PIGN: variants seen among roughly 807,000 people sequenced by gnomAD.
PIGN encodes the protein GPI ethanolamine phosphate transferase 1.
In PIGN, 117 loss-of-function variants were observed where a neutral mutation model predicts 125.4. That is an observed-to-expected ratio of 0.93 (90% CI 0.80 to 1.09). PIGN has a LOEUF of 1.09. PIGN is among the 50% of genes least tolerant of loss of function. The pLI, the probability that PIGN is intolerant of heterozygous loss-of-function variation, is 0.00. For missense variants in PIGN, 1,075 were observed against 1,094.9 expected (o/e 0.98, Z 0.26); for synonymous variants, 392 against 377.8 (o/e 1.04, Z -0.44).
At chr18:62,046,185 G>A (rs1246112771) in intron 30 of PIGN, among the ~76,000 whole-genome samples, 1 of 152,162 alleles carries the variant, frequency 6.6e-6, no homozygotes, top group African/African-American at 2.4e-5. Context: ...TCCATGGACT[G>A]GTTCCAGGAC....
chr18:62,105,906 G>A (rs556040058), intron 19 of PIGN, among the ~76,000 whole-genome samples: 1 of 152,244 alleles, frequency 6.6e-6, no homozygotes, highest in South Asian at 2.1e-4. Flanking sequence ...AACCTCAAGA[G>A]GCAGGTATTA....
chr18:62,022,963 A>T (rs1274196657), intron 23 of PIGN, among the ~76,000 whole-genome samples: 3 of 152,226 alleles, frequency 2.0e-5, no homozygotes, highest in Non-Finnish European at 4.4e-5. Context: ...ATAATGACTT[A>T]TACAATGTAA....
intron 28 of PIGN, among the ~76,000 whole-genome samples, chr18:62,078,892 G>A (rs982583653): frequency 5.3e-5 from 8 of 152,258 alleles, no homozygotes; most frequent in African/African-American, 1.9e-4. Flanking sequence ...TGATCTCCCT[G>A]CTCTTATTCT....
Position 62,095,936 on chromosome 18 carries a change from C to A in PIGN, c.2092G>T (p.Val698Leu). ...AGAACTGGAGAACTCAGTAGTGGCA[C>A]AACCAAGGAAGAGGCTGCAATGAAA... is the stretch of plus-strand genomic sequence containing the variant. ...SWATLASSLV[V>L]PLLSSPVLFQ... is the part of the protein sequence containing the mutation. Residue 698 changes from valine to leucine, a missense_variant, in exon 23 of 31, where the codon GTG becomes TTG. This residue lies in a region of PIGN where 915 missense variants were observed against 908.7 expected (regional missense o/e 1.01). Transcript: ENST00000640252. 1.2e-6 allele frequency: 2 copies of A among 1,609,756 alleles called. No individual in the cohort carries two copies. Among genetic ancestry groups the A allele is most frequent in the Non-Finnish European group, 1.7e-6 (2 of 1,176,442 alleles).
At chr18:62,179,799 A>AAAGC in intron 1 of PIGN, among the ~76,000 whole-genome samples, 1 of 152,156 alleles carries the variant, frequency 6.6e-6, no homozygotes, top group African/African-American at 2.4e-5. Context: ...CTACAAGATT[A>AAAGC]CATTAATATT....
In PIGN at chr18:62,135,906, C is replaced by G. The variant is rs182626827; in HGVS notation, c.1172+2337G>C. 6 of 152,002 alleles carry G rather than the reference C, an allele frequency of 3.9e-5. 1 individual carries two copies. The highest frequency in any genetic ancestry group is 3.3e-4 in the Admixed American group (5 of 15,254). The allele number at this position is 152,002 out of a possible 1,614,324, so 9.4% of individuals were successfully genotyped here. A position where few individuals can be genotyped will look rare whatever the true frequency, so the allele number is the denominator to read the frequency against. On this transcript the variant is annotated intron_variant, in intron 14 of 30. Transcript: ENST00000640252. ...CTCACTTATTCTCACTCTCAACAGC[C>G]GGTGTATTTTCTTCATAAAAGGAAT...
At chr18:62,020,456 G>C (rs1420677219) in intron 23 of PIGN, among the ~76,000 whole-genome samples, 1 of 151,006 alleles carries the variant, frequency 6.6e-6, no homozygotes, top group Admixed American at 6.6e-5. Context: ...TCAACAGAAA[G>C]ACCTTGAAAT....
At chr18:62,178,937 C>T (rs529785548) in intron 1 of PIGN, among the ~76,000 whole-genome samples, 1 of 152,124 alleles carries the variant, frequency 6.6e-6, no homozygotes, top group South Asian at 2.1e-4. Context: ...ACCAGGATAC[C>T]ACAGGGCAGC....
intron 14 of PIGN, among the ~76,000 whole-genome samples, chr18:62,120,322 A>C (rs1383793725): frequency 1.3e-5 from 2 of 152,230 alleles, no homozygotes; most frequent in East Asian, 1.9e-4. Flanking sequence ...AATAACTGAC[A>C]ATCTAGAATT....
intron 10 of PIGN, among the ~76,000 whole-genome samples, chr18:62,143,950 T>C (rs2036227927): frequency 6.6e-6 from 1 of 152,212 alleles, no homozygotes; most frequent in Non-Finnish European, 1.5e-5. Context: ...TGAGAGACCG[T>C]CTTGATTTAA....
At chr18:62,091,097 C>T (rs758041048) in intron 23 of PIGN, among the ~76,000 whole-genome samples, 3 of 152,124 alleles carry the variant, frequency 2.0e-5, no homozygotes, top group Non-Finnish European at 4.4e-5. Context: ...TGCCTGTAAT[C>T]CCAGCACTTT....
chr18:62,123,023 T>G (rs2035366990), intron 14 of PIGN, among the ~76,000 whole-genome samples: 1 of 152,104 alleles, frequency 6.6e-6, no homozygotes, highest in South Asian at 2.1e-4. Flanking sequence ...CTCAGGCACT[T>G]AGTACTTTGG....
chr18:62,026,362 ACT>A (rs2030118507), intron 23 of PIGN, among the ~76,000 whole-genome samples: 1 of 152,180 alleles, frequency 6.6e-6, no homozygotes, highest in Non-Finnish European at 1.5e-5. Flanking sequence ...TTTGAACAAG[ACT>A]CAGCATTATA....
intron 1 of PIGN, among the ~76,000 whole-genome samples, chr18:62,182,427 C>A (rs1021925670): frequency 3.3e-5 from 5 of 152,188 alleles, no homozygotes; most frequent in Non-Finnish European, 7.4e-5. Context: ...GGTGGCACCA[C>A]CTTCCCACCA....
rs779074605 is a variant in PIGN, at chr18:62,074,836, A to G, written c.2577-15T>C. Reference sequence around the variant, plus strand: ...TGAGAAAAAGGCTGGAAAAAAAAAGAAGGAAAAATTACATCTAATACAACA... The same window carrying G: ...TGAGAAAAAGGCTGGAAAAAAAAAGGAGGAAAAATTACATCTAATACAACA... On this transcript the variant is annotated splice_polypyrimidine_tract_variant and intron_variant, in intron 28 of 30. Transcript: ENST00000640252. 31 of 1,588,672 alleles carry G rather than the reference A, an allele frequency of 2.0e-5. No homozygotes were observed. Among genetic ancestry groups the G allele is most frequent in the Non-Finnish European group, 2.7e-5 (31 of 1,160,600 alleles).
In PIGN at chr18:62,102,814, G is replaced by C. The variant is rs1224775480; in HGVS notation, c.1948C>G (p.Leu650Val). The change falls in exon 21 of 31, where the codon CTA becomes GTA. Residue 650 changes from leucine (L) to valine (V), a missense_variant. Around this residue, in one of 3 missense-constraint regions of PIGN, gnomAD observed 915 missense variants for 908.7 expected, o/e 1.01. Coordinates refer to ENST00000640252, the MANE Select transcript of PIGN (RefSeq NM_176787.5). The stretch of plus-strand genomic sequence containing the variant: ...CTGACCTGTAACAGATGTACCAATA[G>C]CTCTTCCTTTATAAAGCTATCTTTT... ...KRKDSFIKEE[L>V]LVHLLQVLST... 1 of 1,541,074 alleles carries C rather than the reference G, an allele frequency of 6.5e-7. No individual in the cohort carries two copies. Among genetic ancestry groups the C allele is most frequent in the Non-Finnish European group, 8.8e-7 (1 of 1,131,146 alleles).
intron 22 of PIGN, among the ~76,000 whole-genome samples, chr18:62,096,467 A>G (rs1239795433): frequency 1.4e-5 from 2 of 146,480 alleles, no homozygotes; most frequent in Non-Finnish European, 3.0e-5. Context: ...CTCAATTTAT[A>G]TTCAGCCCAG....
At chr18:62,125,128 A>G (rs1455292333) in intron 14 of PIGN, among the ~76,000 whole-genome samples, 1 of 125,608 alleles carries the variant, frequency 8.0e-6, no homozygotes, top group African/African-American at 3.0e-5. Context: ...GTATATAAAT[A>G]TACACGTTTG....
At position 62,161,301 on chromosome 18, in the gene PIGN, G is replaced by C; in HGVS notation, c.53C>G (p.Ser18Cys). Residue 18 changes from serine to cysteine, a missense_variant, in exon 4 of 31, where the codon TCC (serine) becomes TGC (cysteine). Ser to Cys is a moderately radical substitution (Grantham distance 112, BLOSUM62 -1). Around this residue, in one of 3 missense-constraint regions of PIGN, gnomAD observed 152 missense variants for 162.9 expected, o/e 0.93. Coordinates refer to ENST00000640252, the MANE Select transcript of PIGN (RefSeq NM_176787.5). ...AGATGTAAAATAAATGTCAAAGATG[G>C]AGGCGAAGAACACAAAATGTATAAG... ...GLLIHFVFFA[S>C]IFDIYFTSPL... The C allele has an allele frequency of 6.2e-7, 1 of 1,613,708 alleles. No individual in the cohort carries two copies. The highest frequency in any genetic ancestry group is 8.5e-7 in the Non-Finnish European group (1 of 1,179,782).
Sources: gnomAD v4.1 joint callset for allele counts (sites outside exome capture counted in the v4.1 genomes callset) on GRCh38, gnomAD v4.1.1 for gene constraint, gnomAD v4.1.1 regional missense constraint, MANE v1.5 for transcripts, NCBI Gene and HGNC (gene_info 2026-07-23, HGNC 2026-07-21) for gene names.